ARB2A: variants seen among roughly 807,000 people sequenced by gnomAD.
The protein encoded by ARB2A is ARB2 cotranscriptional regulator A, also known as cotranscriptional regulator ARB2A.
the ARB2A span, among the ~76,000 whole-genome samples, chr5:94,049,345 A>C: frequency 0.014 from 2,175 of 152,288 alleles, 56 homozygotes; most frequent in African/African-American, 0.049. Context: ...TTCTTCACAC[A>C]AATAAACACC....
chr5:93,791,454 A>G, the ARB2A span, among the ~76,000 whole-genome samples: 1 of 152,196 alleles, frequency 6.6e-6, no homozygotes, highest in Non-Finnish European at 1.5e-5. Flanking sequence ...AAAAATAACT[A>G]TGTAGGAAAA....
At chr5:93,650,555 T>G in the ARB2A span, among the ~76,000 whole-genome samples, 1 of 152,208 alleles carries the variant, frequency 6.6e-6, no homozygotes, top group East Asian at 1.9e-4. Context: ...TATATGTAAT[T>G]GGAGTCCCAG....
the ARB2A span, chr5:93,776,359 C>A: frequency 1.4e-5 from 9 of 664,268 alleles, no homozygotes; most frequent in Non-Finnish European, 1.9e-5. Flanking sequence ...AATTTATTTT[C>A]CATACACTTA....
the ARB2A span, among the ~76,000 whole-genome samples, chr5:93,973,350 T>A: frequency 6.6e-6 from 1 of 151,448 alleles, no homozygotes; most frequent in Non-Finnish European, 1.5e-5. Flanking sequence ...CCCTTCCAAG[T>A]CAACCCAGAC....
At chr5:93,874,685 A>G in the ARB2A span, among the ~76,000 whole-genome samples, 1 of 152,186 alleles carries the variant, frequency 6.6e-6, no homozygotes, top group African/African-American at 2.4e-5. Flanking sequence ...TCAGTTGGTC[A>G]GAAGTATGAG....
At chr5:94,035,196 C>CATACATATACATATACAT in the ARB2A span, among the ~76,000 whole-genome samples, 22,409 of 129,342 alleles carry the variant, frequency 0.17, 2,410 homozygotes, top group African/African-American at 0.21. Flanking sequence ...GGATCTTATA[C>CATACATATACATATACAT]ATACATATAC....
the ARB2A span, among the ~76,000 whole-genome samples, chr5:94,084,273 T>C: frequency 1.7e-3 from 17 of 9,750 alleles, no homozygotes; most frequent in Admixed American, 0.02. Context: ...AAACTTCATC[T>C]CAAAAAAAAA....
At chr5:93,677,425 TA>T in the ARB2A span, among the ~76,000 whole-genome samples, 10 of 152,134 alleles carry the variant, frequency 6.6e-5, no homozygotes, top group African/African-American at 1.7e-4. Context: ...GCAGCCAATA[TA>T]AAAAACGCTG....
At chr5:93,867,323 T>A in the ARB2A span, among the ~76,000 whole-genome samples, 1 of 152,262 alleles carries the variant, frequency 6.6e-6, no homozygotes, top group Non-Finnish European at 1.5e-5. Flanking sequence ...CTGATAGTTC[T>A]GTAATATTTC....
the ARB2A span, among the ~76,000 whole-genome samples, chr5:93,858,935 C>T: frequency 2.4e-4 from 36 of 152,198 alleles, no homozygotes; most frequent in South Asian, 6.2e-3. Flanking sequence ...AAAATTCTAA[C>T]TTCAAATTAG....
chr5:93,943,938 A>G, the ARB2A span, among the ~76,000 whole-genome samples: 2 of 151,960 alleles, frequency 1.3e-5, no homozygotes, highest in Non-Finnish European at 2.9e-5. Context: ...AGCTTACGAA[A>G]AGAGACATGA....
the ARB2A span, among the ~76,000 whole-genome samples, chr5:93,829,281 C>T: frequency 6.6e-6 from 1 of 152,124 alleles, no homozygotes; most frequent in African/African-American, 2.4e-5. Context: ...TAGGGAGCAA[C>T]TCGAAGTAAC....
At chr5:93,691,963 A>G in the ARB2A span, among the ~76,000 whole-genome samples, 12,675 of 152,256 alleles carry the variant, frequency 0.083, 750 homozygotes, top group Middle Eastern at 0.17. Flanking sequence ...TCCCTTACAG[A>G]TAAGCAAATG....
the ARB2A span, among the ~76,000 whole-genome samples, chr5:93,825,398 AG>A: frequency 6.6e-6 from 1 of 152,186 alleles, no homozygotes; most frequent in Non-Finnish European, 1.5e-5. Flanking sequence ...CAAATGAGTT[AG>A]CCATTTGTAA....
chr5:93,667,952 A>T, the ARB2A span, among the ~76,000 whole-genome samples: 1 of 152,202 alleles, frequency 6.6e-6, no homozygotes. Flanking sequence ...GTAAGGAATG[A>T]CTAAATTAGA....
the ARB2A span, among the ~76,000 whole-genome samples, chr5:93,674,291 T>C: frequency 1.3e-5 from 2 of 152,170 alleles, no homozygotes; most frequent in Non-Finnish European, 2.9e-5. Context: ...AGGGGAGACA[T>C]TTGGCACAGC....
chr5:93,847,743 T>C, the ARB2A span, among the ~76,000 whole-genome samples: 1 of 152,212 alleles, frequency 6.6e-6, no homozygotes, highest in Non-Finnish European at 1.5e-5. Flanking sequence ...AAACTACTAC[T>C]ATGGTTCCCA....
At chr5:93,816,117 T>G in the ARB2A span, among the ~76,000 whole-genome samples, 2 of 152,212 alleles carry the variant, frequency 1.3e-5, no homozygotes, top group Non-Finnish European at 2.9e-5. Context: ...TCCTAACTTT[T>G]AAAAGTTAAA....
chr5:93,760,540 G>A, the ARB2A span, among the ~76,000 whole-genome samples: 3 of 152,162 alleles, frequency 2.0e-5, no homozygotes, highest in East Asian at 5.8e-4. Context: ...TGTGGTACTA[G>A]TATAAAAATA....
Sources: gnomAD v4.1 joint callset for allele counts (sites outside exome capture counted in the v4.1 genomes callset) on GRCh38, gnomAD v4.1.1 for gene constraint, MANE v1.5 for transcripts, NCBI Gene and HGNC (gene_info 2026-07-23, HGNC 2026-07-21) for gene names.